The following XPR1 variants were observed in gnomAD, a reference collection of about 807,000 sequenced individuals.
The protein encoded by XPR1 is xenotropic and polytropic retrovirus receptor 1, also known as solute carrier family 53 member 1.
In XPR1, 28 loss-of-function variants were observed where a neutral mutation model predicts 87.5. The ratio of observed to expected loss-of-function variants is 0.32; its 90% CI spans 0.24 to 0.44. XPR1 has a LOEUF of 0.44. Among genes scored for constraint, XPR1 ranks in the 20% least tolerant of loss-of-function variants. The pLI, the probability that XPR1 is intolerant of heterozygous loss-of-function variation, is 1.00. For missense variants in XPR1, 559 were observed against 862.3 expected, an observed-to-expected ratio of 0.65 and a Z score of 4.41; for synonymous variants, 300 against 306.1, an observed-to-expected ratio of 0.98 and a Z score of 0.21.
At chr1:180,755,982 T>C (rs1647722568) in intron 2 of XPR1, among the ~76,000 whole-genome samples, 1 of 152,220 alleles carries the variant, frequency 6.6e-6, no homozygotes, top group South Asian at 2.1e-4. Flanking sequence ...AAAGTGCTTA[T>C]TAATTACAAG....
intron 4 of XPR1, among the ~76,000 whole-genome samples, 163 bp downstream of exon 4, chr1:180,803,774 G>C (rs1384500094): frequency 6.6e-6 from 1 of 152,150 alleles, no homozygotes; most frequent in Non-Finnish European, 1.5e-5. Context: ...ATGTGTCAGA[G>C]GCAGTAAAAC....
At chr1:180,696,165 GGTGTGTGTGTGTGTGTGTGTGT>G (rs59249501) in intron 2 of XPR1, among the ~76,000 whole-genome samples, 12 of 102,990 alleles carry the variant, frequency 1.2e-4, no homozygotes, top group African/African-American at 4.3e-4. Context: ...TTTATTCCTG[GGTGTGTGTGTGTGTGTGTGTGT>G]GTGTGTGTGT....
chr1:180,658,202 T>C (rs1655605619), intron 1 of XPR1, among the ~76,000 whole-genome samples: 1 of 152,232 alleles, frequency 6.6e-6, no homozygotes, highest in South Asian at 2.1e-4. Context: ...ATGTTTAGGT[T>C]TTTCCAATTA....
In XPR1 at chr1:180,887,089, T is replaced by G. The variant is rs1653035874; in HGVS notation, c.*3023T>G. On this transcript the variant is annotated 3_prime_UTR_variant, in exon 15 of 15. Transcript: ENST00000367590. ...CAGGAGACTGAGGCAGGAGAATTGC[T>G]TAAACCTGGGAAGCAGAGGTTGCAG... 1 of 152,264 alleles carries G rather than the reference T, an allele frequency of 6.6e-6. No homozygotes were observed. The highest frequency in any genetic ancestry group is 1.5e-5 in the Non-Finnish European group (1 of 68,102). 9.4% of individuals were successfully genotyped at this position (152,264 alleles called of 1,614,324 possible).
At chr1:180,877,521 A>G (rs1652701925) in intron 13 of XPR1, among the ~76,000 whole-genome samples, 1 of 152,216 alleles carries the variant, frequency 6.6e-6, no homozygotes, top group Non-Finnish European at 1.5e-5. Context: ...TGTGTGTGAA[A>G]TCAATTCCAG....
At chr1:180,743,145 G>A (rs1238020715) in intron 2 of XPR1, among the ~76,000 whole-genome samples, 1 of 150,604 alleles carries the variant, frequency 6.6e-6, no homozygotes, top group Non-Finnish European at 1.5e-5. Context: ...GTTATGTTTG[G>A]ATTTAGATCT....
rs931477718 is a variant in XPR1, at chr1:180,798,513, C to G, written c.224-4875C>G. ...AGACCCGTTCCATATTTCCTTTGCC[C>G]TCAGCCAGAACCCCAACTGGTTATT... On this transcript the variant is annotated intron_variant, in intron 3 of 14. Transcript: ENST00000367590. Among the ~76,000 whole-genome samples the G allele has an allele frequency of 2.0e-5, 3 of 152,112 alleles. No individual in the cohort carries two copies. The South Asian group carries it at 6.2e-4, about 32-fold the overall frequency.
chr1:180,856,209 G>A (rs1490761263), intron 11 of XPR1, among the ~76,000 whole-genome samples: 1 of 151,932 alleles, frequency 6.6e-6, no homozygotes, highest in Non-Finnish European at 1.5e-5. Flanking sequence ...ACCTTGAAAT[G>A]TAAACAAACA....
chr1:180,719,148 G>T (rs746442761), intron 2 of XPR1, among the ~76,000 whole-genome samples: 17 of 152,132 alleles, frequency 1.1e-4, no homozygotes, highest in Non-Finnish European at 1.5e-4. Flanking sequence ...GAAAACCTGG[G>T]ATATATAAAT....
At chr1:180,659,602 A>G (rs576821680) in intron 1 of XPR1, among the ~76,000 whole-genome samples, 363 of 6,236 alleles carry the variant, frequency 0.058, 16 homozygotes, top group African/African-American at 0.19. Flanking sequence ...CCCACCCCCC[A>G]CCCCCCGCCG....
At chr1:180,835,893 G>GT (rs1382361983) in intron 10 of XPR1, among the ~76,000 whole-genome samples, 2 of 152,048 alleles carry the variant, frequency 1.3e-5, no homozygotes, top group African/African-American at 4.8e-5. Context: ...GAGCCAACCC[G>GT]TTTTTTCCTC....
intron 2 of XPR1, among the ~76,000 whole-genome samples, chr1:180,720,819 T>C (rs369882818): frequency 6.6e-5 from 10 of 152,214 alleles, no homozygotes; most frequent in East Asian, 5.8e-4. Context: ...AATTAAATTT[T>C]GTGTATGCTT....
intron 1 of XPR1, among the ~76,000 whole-genome samples, chr1:180,679,552 A>G (rs1399392214): frequency 4.6e-5 from 7 of 152,204 alleles, no homozygotes; most frequent in South Asian, 2.1e-4. Context: ...CTTTGAAGCT[A>G]TGGATATCCT....
intron 7 of XPR1, among the ~76,000 whole-genome samples, chr1:180,812,475 A>G (rs1171486845): frequency 1.3e-5 from 2 of 152,198 alleles, no homozygotes; most frequent in African/African-American, 2.4e-5. Context: ...ATGCTCTTCT[A>G]TCTGGCATCA....
intron 1 of XPR1, among the ~76,000 whole-genome samples, chr1:180,651,049 C>T (rs1032462624): frequency 2.6e-5 from 4 of 151,396 alleles, no homozygotes; most frequent in African/African-American, 7.3e-5. Flanking sequence ...GACCCCCTTT[C>T]GATGTCATAA....
intron 2 of XPR1, among the ~76,000 whole-genome samples, chr1:180,720,150 G>C (rs1239893636): frequency 6.6e-6 from 1 of 151,984 alleles, no homozygotes; most frequent in Non-Finnish European, 1.5e-5. Context: ...AGATAGGAGA[G>C]GGGATGCTTT....
chr1:180,717,325 G>A (rs959979450), intron 2 of XPR1, among the ~76,000 whole-genome samples: 1 of 152,090 alleles, frequency 6.6e-6, no homozygotes, highest in African/African-American at 2.4e-5. Context: ...TCTCTTAATT[G>A]AATAGGAGAA....
rs1655677265 is a variant in XPR1 at position 180,659,385 on chromosome 1, TTCCTTCCTTCC to T, written c.70-22973_70-22963del. Among the ~76,000 whole-genome samples, 4 of 20,316 alleles carry T rather than the reference TTCCTTCCTTCC, an allele frequency of 2.0e-4. 1 individual carries two copies. Among genetic ancestry groups the T allele is most frequent in the African/African-American group, 4.5e-4 (4 of 8,960 alleles). 13.3% of individuals were successfully genotyped at this position (20,316 alleles called of 152,430 possible). A position where few individuals can be genotyped will look rare whatever the true frequency, so the allele number is the denominator to read the frequency against. On this transcript the variant is annotated intron_variant, in intron 1 of 14. Coordinates refer to ENST00000367590, the MANE Select transcript of XPR1 (RefSeq NM_004736.4). ...CGTCCTTCCGTCCGTCCTTCCGTCC[TTCCTTCCTTCC>T]TTCCTTCCTTCCTTCCTTCCTTCCT...
At chr1:180,654,362 T>G (rs1381622977) in intron 1 of XPR1, among the ~76,000 whole-genome samples, 1 of 152,182 alleles carries the variant, frequency 6.6e-6, no homozygotes, top group African/African-American at 2.4e-5. Flanking sequence ...TTAATATCTA[T>G]TCCTTCTTGA....
Sources: gnomAD v4.1 joint callset for allele counts (sites outside exome capture counted in the v4.1 genomes callset) on GRCh38, gnomAD v4.1.1 for gene constraint, MANE v1.5 for transcripts, NCBI Gene and HGNC (gene_info 2026-07-23, HGNC 2026-07-21) for gene names.